AHI1: variants seen among roughly 807,000 people sequenced by gnomAD.
AHI1 encodes jouberin.
AHI1 carries 123 observed loss-of-function variants against 149.3 expected under a neutral mutation model. The ratio of observed to expected loss-of-function variants is 0.82; its 90% CI spans 0.71 to 0.96. The LOEUF is 0.96. AHI1 is among the 40% of genes least tolerant of loss of function. The probability of loss-of-function intolerance (pLI) is 0.00; values close to 1 mark genes in which losing one functional copy is unlikely to be tolerated. For synonymous variants in AHI1, 475 were observed against 459.8 expected (o/e 1.03, Z -0.42); for missense variants, 1,439 against 1,422.7 (o/e 1.01, Z -0.18).
chr6:135,295,643 A>G (rs1782988204), intron 27 of AHI1, among the ~76,000 whole-genome samples: 1 of 152,198 alleles, frequency 6.6e-6, no homozygotes, highest in South Asian at 2.1e-4. Context: ...GAATAAACAA[A>G]CTGTGGTATT....
intron 27 of AHI1, among the ~76,000 whole-genome samples, chr6:135,293,392 C>CAAA (rs1175955601): frequency 4.0e-4 from 8 of 20,078 alleles, no homozygotes; most frequent in African/African-American, 1.4e-3. Flanking sequence ...GTTAACAGGG[C>CAAA]AAAAAAAAAA....
intron 8 of AHI1, 68 bp from the exon 9 acceptor site, chr6:135,457,781 T>C: frequency 7.1e-7 from 1 of 1,413,790 alleles, no homozygotes; most frequent in East Asian, 2.3e-5. Flanking sequence ...ACATATAACC[T>C]AATCTTTAAG....
At chr6:135,346,500 A>G (rs1420462821) in intron 24 of AHI1, among the ~76,000 whole-genome samples, 2 of 152,000 alleles carry the variant, frequency 1.3e-5, no homozygotes, top group East Asian at 3.9e-4. Flanking sequence ...ATGCCTGGCC[A>G]AGCTGTGCTT....
At chr6:135,489,322 T>C (rs1794919672) in intron 5 of AHI1, among the ~76,000 whole-genome samples, 1 of 152,164 alleles carries the variant, frequency 6.6e-6, no homozygotes, top group Admixed American at 6.5e-5. Context: ...CTTAGGTAAA[T>C]GGACATAGCC....
At chr6:135,445,130 G>T (rs1269920664) in intron 13 of AHI1, among the ~76,000 whole-genome samples, 5 of 152,152 alleles carry the variant, frequency 3.3e-5, no homozygotes, top group Non-Finnish European at 7.4e-5. Context: ...AACTCAAAGT[G>T]ATTTTAAAAT....
intron 3 of AHI1, among the ~76,000 whole-genome samples, chr6:135,493,844 T>C (rs1296997341): frequency 1.3e-5 from 2 of 152,036 alleles, no homozygotes; most frequent in Admixed American, 1.3e-4. Context: ...GGAGTTTGTG[T>C]CCTGTCTGGC....
chr6:135,451,508 A>G (rs1311671726), intron 11 of AHI1, among the ~76,000 whole-genome samples: 1 of 152,232 alleles, frequency 6.6e-6, no homozygotes, highest in Non-Finnish European at 1.5e-5. Context: ...TTTACCCAAA[A>G]GAAGTCATTG....
At chr6:135,403,094 A>G (rs1780252625) in intron 22 of AHI1, among the ~76,000 whole-genome samples, 1 of 152,168 alleles carries the variant, frequency 6.6e-6, no homozygotes, top group Non-Finnish European at 1.5e-5. Context: ...ACAAATCTAT[A>G]AAGCATATTA....
chr6:135,455,169 CTTG>C lies in AHI1; in HGVS notation c.1344+562_1344+564del, dbSNP rs1461762972. On this transcript the variant is annotated intron_variant, in intron 10 of 28. Transcript: ENST00000265602. ...TGGGGAAATCACTTTTATTCCAAAC[CTTG>C]TTATCATTTTCAGTAAGAAAATTAT... Among the ~76,000 whole-genome samples the C allele has an allele frequency of 3.9e-5, 6 of 151,984 alleles. 1 individual carries two copies. Among genetic ancestry groups the C allele is most frequent in the Admixed American group, 2.0e-4 (3 of 15,252 alleles).
intron 8 of AHI1, among the ~76,000 whole-genome samples, chr6:135,461,236 CTG>C (rs774209934): frequency 2.6e-5 from 4 of 152,086 alleles, no homozygotes; most frequent in Non-Finnish European, 4.4e-5. Context: ...AAAGACAATT[CTG>C]TGTTTTAAAA....
At position 135,489,811 on chromosome 6, in the gene AHI1, T is replaced by G. The variant is rs369528181; in HGVS notation, c.135+812A>C. The G allele has an allele frequency of 1.5e-3, 265 of 172,290 alleles. 2 individuals carry two copies. The highest frequency in any genetic ancestry group is 6.0e-3 in the African/African-American group (245 of 40,548). The allele number at this position is 172,290 out of a possible 1,614,324, so 10.7% of individuals were successfully genotyped here. The stretch of plus-strand genomic sequence containing the variant: ...CATTGACATCTGCCAGACAGAATAC[T>G]AAAATGAACAGGTCTTAAGAAAAAA... On this transcript the variant is annotated intron_variant, in intron 5 of 28. Transcript: ENST00000265602.
intron 6 of AHI1, among the ~76,000 whole-genome samples, chr6:135,466,768 A>G (rs1020232248): frequency 2.0e-5 from 3 of 152,192 alleles, no homozygotes; most frequent in Non-Finnish European, 4.4e-5. Flanking sequence ...CCAATAGGAA[A>G]TATACATGGG....
chr6:135,464,595 G>C (rs1392245465), intron 7 of AHI1, among the ~76,000 whole-genome samples: 1 of 152,160 alleles, frequency 6.6e-6, no homozygotes, highest in East Asian at 1.9e-4. Flanking sequence ...AAAAGACTGT[G>C]ACTTCTGTCT....
rs747810773 is a variant in AHI1 at position 135,457,478 on chromosome 6, A to C, written c.1151+16T>G. On this transcript the variant is annotated intron_variant, in intron 9 of 28. Transcript: ENST00000265602. ...TTTCAGTTTCAAGAATTAGTTGTGC[A>C]ATTAAAAAAAATTACCTATCATCTT... 1.9e-6 allele frequency: 3 copies of C among 1,583,364 alleles called. No individual in the cohort carries two copies. The African/African-American group carries it at 4.0e-5, about 21-fold the overall frequency.
At chr6:135,403,866 A>G (rs1190076616) in intron 22 of AHI1, among the ~76,000 whole-genome samples, 1 of 151,640 alleles carries the variant, frequency 6.6e-6, no homozygotes, top group Non-Finnish European at 1.5e-5. Context: ...TATAAAAGTG[A>G]TGGGTTCTGT....
At chr6:135,492,900 G>A in intron 3 of AHI1, 1 of 983,706 alleles carries the variant, frequency 1.0e-6, no homozygotes, top group Non-Finnish European at 1.2e-6. Context: ...AAAAAAATCG[G>A]TGTATGTCTA....
intron 27 of AHI1, among the ~76,000 whole-genome samples, chr6:135,295,852 A>C (rs1426734674): frequency 1.3e-5 from 2 of 151,984 alleles, no homozygotes; most frequent in Non-Finnish European, 2.9e-5. Context: ...TATTTTATTT[A>C]ATTTCATTTT....
At chr6:135,379,745 G>T (rs1455432828) in intron 23 of AHI1, among the ~76,000 whole-genome samples, 1 of 152,044 alleles carries the variant, frequency 6.6e-6, no homozygotes, top group East Asian at 1.9e-4. Context: ...TCTCCTCCTT[G>T]TTCCCTCCAA....
In AHI1 at chr6:135,376,499, G is replaced by C. The variant is rs141300254; in HGVS notation, c.3109+18277C>G. 6.1e-3 allele frequency among the ~76,000 whole-genome samples: 924 copies of C among 152,176 alleles called. 9 individuals are homozygous for C. Among genetic ancestry groups the C allele is most frequent in the African/African-American group, 0.02 (847 of 41,542 alleles). On this transcript the variant is annotated intron_variant, in intron 23 of 28. Coordinates refer to ENST00000265602, the MANE Select transcript of AHI1 (RefSeq NM_001134831.2). The stretch of plus-strand genomic sequence containing the variant: ...GATGCAAACCATTTACATGTACTTT[G>C]TAGATTTTTTTTATAGTATTTTTGC...
Sources: gnomAD v4.1 joint callset for allele counts (sites outside exome capture counted in the v4.1 genomes callset) on GRCh38, gnomAD v4.1.1 for gene constraint, MANE v1.5 for transcripts, NCBI Gene and HGNC (gene_info 2026-07-23, HGNC 2026-07-21) for gene names.